The following ST8SIA3 variants were observed in gnomAD, a reference collection of about 807,000 sequenced individuals.
ST8SIA3 encodes the protein alpha-N-acetylneuraminate alpha-2,8-sialyltransferase ST8SIA3.
In ST8SIA3, 17 loss-of-function variants were observed where a neutral mutation model predicts 34.5. The ratio of observed to expected loss-of-function variants is 0.49; its 90% CI spans 0.34 to 0.74. ST8SIA3 has a LOEUF of 0.74. Among genes scored for constraint, ST8SIA3 ranks in the 30% least tolerant of loss-of-function variants. The pLI, the probability that ST8SIA3 is intolerant of heterozygous loss-of-function variation, is 0.01. For missense variants in ST8SIA3, 354 were observed against 467.8 expected (o/e 0.76, Z 2.24); for synonymous variants, 172 against 176.1 (o/e 0.98, Z 0.19).
At chr18:57,353,433 C>G (rs1284276062) in intron 1 of ST8SIA3, among the ~76,000 whole-genome samples, 2 of 152,082 alleles carry the variant, frequency 1.3e-5, no homozygotes, top group African/African-American at 2.4e-5. Context: ...GCGGGCCGGG[C>G]CCGGGGCGGT....
Position 57,363,180 on chromosome 18 carries a change from C to A in ST8SIA3, c.*2903C>A, listed in dbSNP as rs2049841456. 2 of 152,300 alleles carry A rather than the reference C, an allele frequency of 1.3e-5. No individual in the cohort carries two copies. The highest frequency in any genetic ancestry group is 2.1e-4 in the South Asian group (1 of 4,820). 9.4% of individuals were successfully genotyped at this position (152,300 alleles called of 1,614,324 possible). ...AGGCTTTCTACCCATAACACCAACA[C>A]AAAAAACCAATTAAGTTGCAGAGGG... is the stretch of plus-strand genomic sequence containing the variant. On this transcript the variant is annotated 3_prime_UTR_variant, in exon 4 of 4. Coordinates refer to ENST00000324000, the MANE Select transcript of ST8SIA3 (RefSeq NM_015879.3).
chr18:57,353,129 T>C, intron 1 of ST8SIA3, 104 bp downstream of exon 1: 2 of 1,153,832 alleles, frequency 1.7e-6, no homozygotes, highest in Non-Finnish European at 2.5e-6. Context: ...CCGAGACTCT[T>C]TGGGCCAGAT....
Position 57,363,023 on chromosome 18 carries a change from G to C in ST8SIA3, c.*2746G>C, listed in dbSNP as rs535352603. The stretch of plus-strand genomic sequence containing the variant: ...TCTTTCAGCTACAGACACATGCCCT[G>C]GCTTTTGCATTGACCTTGCTTTGTT... On this transcript the variant is annotated 3_prime_UTR_variant, in exon 4 of 4. Coordinates refer to ENST00000324000, the MANE Select transcript of ST8SIA3 (RefSeq NM_015879.3). The C allele has an allele frequency of 6.6e-6, 1 of 152,360 alleles. No individual in the cohort carries two copies. Among genetic ancestry groups the C allele is most frequent in the East Asian group, 1.9e-4 (1 of 5,180 alleles). The allele number at this position is 152,360 out of a possible 1,614,324, so 9.4% of individuals were successfully genotyped here. A position where few individuals can be genotyped will look rare whatever the true frequency, so the allele number is the denominator to read the frequency against.
chr18:57,359,772 A>G (rs957843987), intron 3 of ST8SIA3, among the ~76,000 whole-genome samples: 2 of 152,204 alleles, frequency 1.3e-5, no homozygotes, highest in Non-Finnish European at 2.9e-5. Context: ...AATTTTCAAT[A>G]CTTTTTGAAC....
rs535694417 is a variant in ST8SIA3 at position 57,359,856 on chromosome 18, G to A, written c.861-139G>A. On this transcript the variant is annotated intron_variant, in intron 3 of 3. Coordinates refer to ENST00000324000, the MANE Select transcript of ST8SIA3 (RefSeq NM_015879.3). ...CAGTTGTGCCCAGAAGTTGTTTTTG[G>A]TTGCCTAAAATATAATTTCAAAACA... 1.6e-4 allele frequency: 116 copies of A among 726,238 alleles called. 2 individuals carry two copies. The South Asian group carries it at 2.4e-3, about 15-fold the overall frequency. The allele number at this position is 726,238 out of a possible 1,614,324, so 45.0% of individuals were successfully genotyped here.
rs1050402972 is a variant in ST8SIA3 at position 57,363,104 on chromosome 18, C to A, written c.*2827C>A. 1 of 152,222 alleles carries A rather than the reference C, an allele frequency of 6.6e-6. No individual in the cohort carries two copies. Among genetic ancestry groups the A allele is most frequent in the African/African-American group, 2.4e-5 (1 of 41,450 alleles). The allele number at this position is 152,222 out of a possible 1,614,324, so 9.4% of individuals were successfully genotyped here. ...CACTTTCCCTTTTTTAGGATACTCA[C>A]AACAGAGTCCACTTTCAGCTATTGG... On this transcript the variant is annotated 3_prime_UTR_variant, in exon 4 of 4. Coordinates refer to ENST00000324000, the MANE Select transcript of ST8SIA3 (RefSeq NM_015879.3).
At chr18:57,354,923 T>C (rs2049790325) in intron 2 of ST8SIA3, among the ~76,000 whole-genome samples, 1 of 152,068 alleles carries the variant, frequency 6.6e-6, no homozygotes, top group South Asian at 2.1e-4. Context: ...ATTTCCTCAC[T>C]GAAAAAAACT....
chr18:57,353,792 G>A (rs2049780961), intron 1 of ST8SIA3, among the ~76,000 whole-genome samples: 1 of 152,178 alleles, frequency 6.6e-6, no homozygotes. Flanking sequence ...GCCTCCTGAC[G>A]GGCAGGTGGC....
chr18:57,366,786 G>C lies in ST8SIA3; in HGVS notation c.*6509G>C, dbSNP rs2049863161. 1 of 152,214 alleles carries C rather than the reference G, an allele frequency of 6.6e-6. No homozygotes were observed. Among genetic ancestry groups the C allele is most frequent in the African/African-American group, 2.4e-5 (1 of 41,458 alleles). 9.4% of individuals were successfully genotyped at this position (152,214 alleles called of 1,614,324 possible). ...TACCACTTGGTAGGAATATCTCTGG[G>C]CAACTTCATTGCTGACTGGGCAAAC... On this transcript the variant is annotated 3_prime_UTR_variant, in exon 4 of 4. Coordinates refer to ENST00000324000, the MANE Select transcript of ST8SIA3 (RefSeq NM_015879.3).
chr18:57,360,532 G>T lies in ST8SIA3; in HGVS notation c.*255G>T. On this transcript the variant is annotated 3_prime_UTR_variant, in exon 4 of 4. Transcript: ENST00000324000. ...TTGGGACTATGCTGCTAACGAAATG[G>T]TTTGAAGTATTTTCATGTTTGGATT... 2.2e-6 allele frequency: 1 copy of T among 458,456 alleles called. No individual in the cohort carries two copies. 28.4% of individuals were successfully genotyped at this position (458,456 alleles called of 1,614,324 possible).
In ST8SIA3 at chr18:57,362,559, A is replaced by T. The variant is rs1256327157; in HGVS notation, c.*2282A>T. On this transcript the variant is annotated 3_prime_UTR_variant, in exon 4 of 4. Transcript: ENST00000324000. ...TTGTTTGTTTTTTAAGTTCAGGGAGATTTTTTAAATCTCCTTGCAGTCTTG... is the reference window on the plus strand; with the variant it reads ...TTGTTTGTTTTTTAAGTTCAGGGAGTTTTTTTAAATCTCCTTGCAGTCTTG... The T allele has an allele frequency of 6.6e-6, 1 of 152,022 alleles. No homozygotes were observed. The highest frequency in any genetic ancestry group is 1.5e-5 in the Non-Finnish European group (1 of 68,006). 9.4% of individuals were successfully genotyped at this position (152,022 alleles called of 1,614,324 possible). A position where few individuals can be genotyped will look rare whatever the true frequency, so the allele number is the denominator to read the frequency against.
rs747553254 is a variant in ST8SIA3 at position 57,357,077 on chromosome 18, A to C, written c.467A>C (p.Asn156Thr). 7.6e-5 allele frequency: 123 copies of C among 1,613,978 alleles called. No homozygotes were observed. Among genetic ancestry groups the C allele is most frequent in the Non-Finnish European group, 1.0e-4 (118 of 1,179,998 alleles). The change falls in exon 3 of 4, where the codon AAC becomes ACC. Residue 156 changes from asparagine (N) to threonine (T), a missense_variant. Around this residue, in one of 3 missense-constraint regions of ST8SIA3, gnomAD observed 184 missense variants for 205.4 expected, o/e 0.90. Transcript: ENST00000324000. ...CTTCCAGATGTGTCACCCATTATGA[A>C]CAAGCATTATAATATTTGTGCTGTG... The part of the protein sequence containing the change: ...SLLPDVSPIM[N>T]KHYNICAVVG...
At chr18:57,354,339 T>G in intron 1 of ST8SIA3, 63 bp from the exon 2 acceptor site, 3 of 1,606,404 alleles carry the variant, frequency 1.9e-6, no homozygotes, top group East Asian at 4.5e-5. Context: ...TGCACTTTAA[T>G]GGCTACCTCG....
At chr18:57,357,841 A>G (rs2049808110) in intron 3 of ST8SIA3, among the ~76,000 whole-genome samples, 1 of 152,216 alleles carries the variant, frequency 6.6e-6, no homozygotes, top group Admixed American at 6.5e-5. Flanking sequence ...GAGACAAATC[A>G]AGTGGTTTTT....
chr18:57,355,306 A>C (rs2049792879), intron 2 of ST8SIA3, among the ~76,000 whole-genome samples: 1 of 152,166 alleles, frequency 6.6e-6, no homozygotes, highest in African/African-American at 2.4e-5. Flanking sequence ...TTTACTGCTA[A>C]ATGGGATGTG....
At position 57,362,242 on chromosome 18, in the gene ST8SIA3, C is replaced by T. The variant is rs963446330; in HGVS notation, c.*1965C>T. 5 of 152,194 alleles carry T rather than the reference C, an allele frequency of 3.3e-5. No homozygotes were observed. Among genetic ancestry groups the T allele is most frequent in the African/African-American group, 1.2e-4 (5 of 41,452 alleles). 9.4% of individuals were successfully genotyped at this position (152,194 alleles called of 1,614,324 possible). On this transcript the variant is annotated 3_prime_UTR_variant, in exon 4 of 4. Coordinates refer to ENST00000324000, the MANE Select transcript of ST8SIA3 (RefSeq NM_015879.3). ...ACTGTACTACCATCCTCACACTGTG[C>T]TCTGTTGGGATCACTGAGAGATTGA...
rs1253227403 is a variant in ST8SIA3, at chr18:57,367,140, A to G, written c.*6863A>G. ...TGGCCGTAAGTTGTTATCTGCATGT[A>G]CTAAATCAAAATTAGATCATGAAGG... On this transcript the variant is annotated 3_prime_UTR_variant, in exon 4 of 4. Coordinates refer to ENST00000324000, the MANE Select transcript of ST8SIA3 (RefSeq NM_015879.3). 6.6e-6 allele frequency: 1 copy of G among 152,252 alleles called. No homozygotes were observed. The highest frequency in any genetic ancestry group is 1.5e-5 in the Non-Finnish European group (1 of 68,046). 9.4% of individuals were successfully genotyped at this position (152,252 alleles called of 1,614,324 possible). A position where few individuals can be genotyped will look rare whatever the true frequency, so the allele number is the denominator to read the frequency against.
In ST8SIA3 at chr18:57,363,590, G is replaced by A. The variant is rs1409729027; in HGVS notation, c.*3313G>A. ...CCCTGCCCTCAGCTTCCTTATGCCC[G>A]AGCCACTACTTATCCGTGAATGTGA... On this transcript the variant is annotated 3_prime_UTR_variant, in exon 4 of 4. Transcript: ENST00000324000. The A allele has an allele frequency of 3.3e-5, 5 of 152,208 alleles. No homozygotes were observed. The highest frequency in any genetic ancestry group is 7.2e-5 in the African/African-American group (3 of 41,440). 9.4% of individuals were successfully genotyped at this position (152,208 alleles called of 1,614,324 possible).
At chr18:57,353,673 G>A (rs1213565270) in intron 1 of ST8SIA3, among the ~76,000 whole-genome samples, 2 of 152,130 alleles carry the variant, frequency 1.3e-5, no homozygotes, top group Admixed American at 1.3e-4. Context: ...CGCCAGGTCG[G>A]AGTCACCGCT....
Sources: allele counts gnomAD v4.1 joint callset (sites outside exome capture counted in the v4.1 genomes callset), GRCh38; gene constraint gnomAD v4.1.1; regional missense constraint gnomAD v4.1.1; transcripts MANE v1.5; gene names NCBI Gene and HGNC (gene_info 2026-07-23, HGNC 2026-07-21).